The following IMMP2L variants were observed in gnomAD, a reference collection of about 807,000 sequenced individuals.
IMMP2L encodes the protein mitochondrial inner membrane protease subunit 2.
Under a neutral mutation model 19.3 loss-of-function variants are expected in IMMP2L, and 18 were observed. The observed-to-expected ratio is 0.93, with a 90% CI of 0.64 to 1.38. The LOEUF (loss-of-function observed/expected upper bound fraction) is 1.38, where lower values mean the gene tolerates loss of function less well. IMMP2L is among the 40% of genes most tolerant of loss of function. The pLI is 0.00. For synonymous variants in IMMP2L, 76 were observed against 73.0 expected (o/e 1.04, Z -0.21); for missense variants, 233 against 218.2 (o/e 1.07, Z -0.43).
At chr7:111,314,292 T>C (rs1584578778) in intron 3 of IMMP2L, among the ~76,000 whole-genome samples, 1 of 152,206 alleles carries the variant, frequency 6.6e-6, no homozygotes, top group South Asian at 2.1e-4. Flanking sequence ...TATGGAGGCA[T>C]ACAGACCTGA....
intron 3 of IMMP2L, among the ~76,000 whole-genome samples, chr7:111,417,326 G>A (rs745906413): frequency 7.9e-5 from 12 of 151,728 alleles, no homozygotes; most frequent in Non-Finnish European, 1.3e-4. Flanking sequence ...CGGGTGGAGG[G>A]CGTCACAGTG....
At chr7:111,314,904 C>G (rs1823888948) in intron 3 of IMMP2L, among the ~76,000 whole-genome samples, 1 of 152,000 alleles carries the variant, frequency 6.6e-6, no homozygotes, top group African/African-American at 2.4e-5. Context: ...TATTTTTTGT[C>G]TGCTATTTTG....
chr7:110,945,450 C>A (rs1023100087), intron 4 of IMMP2L, among the ~76,000 whole-genome samples: 1 of 151,842 alleles, frequency 6.6e-6, no homozygotes, highest in East Asian at 1.9e-4. Flanking sequence ...CTTGCACTTT[C>A]CCTTTTTGGG....
intron 3 of IMMP2L, among the ~76,000 whole-genome samples, chr7:111,111,410 C>A (rs570398255): frequency 1.1e-3 from 163 of 148,596 alleles, no homozygotes; most frequent in Admixed American, 1.6e-3. Flanking sequence ...CATCCCCCCC[C>A]AAAAAAAAAT....
chr7:110,862,833 T>C (rs1036698494), intron 5 of IMMP2L, among the ~76,000 whole-genome samples: 3 of 152,048 alleles, frequency 2.0e-5, no homozygotes, highest in East Asian at 1.9e-4. Flanking sequence ...TATCTTTCTC[T>C]AGAACAAAGA....
At chr7:111,238,926 G>A (rs755139055) in intron 3 of IMMP2L, among the ~76,000 whole-genome samples, 1 of 151,846 alleles carries the variant, frequency 6.6e-6, no homozygotes, top group South Asian at 2.1e-4. Context: ...CTGCCTTTCA[G>A]AATGATACTG....
At chr7:111,376,822 T>A (rs1458116828) in intron 3 of IMMP2L, among the ~76,000 whole-genome samples, 1 of 152,076 alleles carries the variant, frequency 6.6e-6, no homozygotes, top group Admixed American at 6.6e-5. Flanking sequence ...GTAATTCCAT[T>A]TATATGAAAT....
At chr7:111,203,328 T>C (rs1300364166) in intron 3 of IMMP2L, among the ~76,000 whole-genome samples, 1 of 151,956 alleles carries the variant, frequency 6.6e-6, no homozygotes, top group Admixed American at 6.6e-5. Flanking sequence ...CCTGTTCTCA[T>C]GGAGTTTTTA....
chr7:110,963,205 G>C, intron 4 of IMMP2L: 1 of 779,218 alleles, frequency 1.3e-6, no homozygotes, highest in Middle Eastern at 2.7e-4. Flanking sequence ...AAATAGTCAT[G>C]CTACTTTTAA....
At chr7:111,266,177 A>C (rs1031451747) in intron 3 of IMMP2L, among the ~76,000 whole-genome samples, 1 of 152,212 alleles carries the variant, frequency 6.6e-6, no homozygotes, top group African/African-American at 2.4e-5. Context: ...AAACATAAGT[A>C]ATAACTAATT....
At chr7:111,464,874 C>T (rs1398678818) in intron 3 of IMMP2L, among the ~76,000 whole-genome samples, 2 of 152,078 alleles carry the variant, frequency 1.3e-5, no homozygotes, top group Non-Finnish European at 2.9e-5. Flanking sequence ...CTGCAAGCTC[C>T]GCCTCCCGGG....
chr7:110,989,476 G>C (rs1044998394), intron 3 of IMMP2L, among the ~76,000 whole-genome samples: 1 of 149,562 alleles, frequency 6.7e-6, no homozygotes, highest in Non-Finnish European at 1.5e-5. Context: ...GAGCCTAGGA[G>C]GTCAAGGATG....
chr7:111,123,575 A>T lies in IMMP2L; in HGVS notation c.240-160010T>A, dbSNP rs1213032628. ...GTAAATCTCAAATTTTTGGATCTAAATAAAAATCCTATTAATAGAATACGA... is the reference window on the plus strand; with the variant it reads ...GTAAATCTCAAATTTTTGGATCTAATTAAAAATCCTATTAATAGAATACGA... On this transcript the variant is annotated intron_variant, in intron 3 of 5. Coordinates refer to ENST00000405709, the MANE Select transcript of IMMP2L (RefSeq NM_032549.4). This position sits in a 1 kb window ranked among gnomAD's most constrained non-coding sequence, Gnocchi z 6.4. 6.2e-7 allele frequency: 1 copy of T among 1,613,596 alleles called. No individual in the cohort carries two copies. The highest frequency in any genetic ancestry group is 1.7e-4 in the Middle Eastern group (1 of 6,056).
At chr7:111,558,548 G>C (rs1791644041) in intron 1 of IMMP2L, among the ~76,000 whole-genome samples, 1 of 152,164 alleles carries the variant, frequency 6.6e-6, no homozygotes, top group Admixed American at 6.5e-5. Flanking sequence ...CAACAGTTAA[G>C]CAATAACAGG....
intron 3 of IMMP2L, among the ~76,000 whole-genome samples, chr7:111,381,913 T>C (rs1831237687): frequency 6.6e-6 from 1 of 151,994 alleles, no homozygotes; most frequent in Admixed American, 6.6e-5. Context: ...TATCACCCAT[T>C]GAAATAGCAA....
chr7:110,886,045 C>T (rs1321862161), intron 5 of IMMP2L, among the ~76,000 whole-genome samples: 3 of 151,934 alleles, frequency 2.0e-5, no homozygotes, highest in Admixed American at 6.6e-5. Context: ...AGGGCTCCTG[C>T]GCCACCTAAA....
intron 3 of IMMP2L, among the ~76,000 whole-genome samples, chr7:111,136,032 AT>A (rs545975140): frequency 0.13 from 18,728 of 144,868 alleles, 2,864 homozygotes; most frequent in African/African-American, 0.38. Context: ...TCACCCTACA[AT>A]TTTTTTTTTT....
At chr7:111,085,049 A>T (rs1796198519) in intron 3 of IMMP2L, among the ~76,000 whole-genome samples, 1 of 152,196 alleles carries the variant, frequency 6.6e-6, no homozygotes. Flanking sequence ...GACATAGAGA[A>T]AAGCCAAGAT....
At chr7:110,913,346 T>C (rs1813259680) in intron 4 of IMMP2L, among the ~76,000 whole-genome samples, 1 of 152,074 alleles carries the variant, frequency 6.6e-6, no homozygotes, top group African/African-American at 2.4e-5. Context: ...AAATGTGAAC[T>C]TTCTCAAGAA....
Sources: allele counts gnomAD v4.1 joint callset (sites outside exome capture counted in the v4.1 genomes callset), GRCh38; gene constraint gnomAD v4.1.1; non-coding constraint Gnocchi (gnomAD v3.1); transcripts MANE v1.5; gene names NCBI Gene and HGNC (gene_info 2026-07-23, HGNC 2026-07-21).